Variants in STIM2 observed in about 807,000 individuals in gnomAD.
The protein encoded by STIM2 is stromal interaction molecule 2.
In STIM2, 31 loss-of-function variants were observed where a neutral mutation model predicts 85.8. The observed-to-expected ratio is 0.36, with a 90% CI of 0.27 to 0.49. The LOEUF (loss-of-function observed/expected upper bound fraction) is 0.49. STIM2 is among the 20% of genes least tolerant of loss of function. The pLI is 0.98. For synonymous variants in STIM2, 356 were observed against 331.1 expected (o/e 1.08, Z -0.82); for missense variants, 841 against 927.6 (o/e 0.91, Z 1.21).
chr4:26,954,061 G>T (rs1726153771), intron 2 of STIM2, among the ~76,000 whole-genome samples: 1 of 152,148 alleles, frequency 6.6e-6, no homozygotes, highest in African/African-American at 2.4e-5. Flanking sequence ...GTGAGTATTT[G>T]TCTGGGAAAA....
intron 3 of STIM2, among the ~76,000 whole-genome samples, chr4:26,991,478 G>T (rs1394272790): frequency 1.3e-5 from 2 of 151,986 alleles, no homozygotes; most frequent in Non-Finnish European, 2.9e-5. Context: ...AATGCAGTTA[G>T]GTAGAAGTAA....
chr4:26,974,472 G>A (rs949147064), intron 3 of STIM2, among the ~76,000 whole-genome samples: 1 of 152,154 alleles, frequency 6.6e-6, no homozygotes, highest in Non-Finnish European at 1.5e-5. Flanking sequence ...GTCTGTAAAG[G>A]ATTTTATTTC....
intron 2 of STIM2, among the ~76,000 whole-genome samples, chr4:26,943,426 T>G (rs1298918702): frequency 6.6e-6 from 1 of 152,210 alleles, no homozygotes; most frequent in Non-Finnish European, 1.5e-5. Context: ...TCTTTTTTGT[T>G]GTTGTTTAAA....
At chr4:26,897,258 A>G (rs1297435165) in intron 1 of STIM2, among the ~76,000 whole-genome samples, 1 of 152,196 alleles carries the variant, frequency 6.6e-6, no homozygotes, top group Non-Finnish European at 1.5e-5. Flanking sequence ...AAAGTATGAG[A>G]GAGAGAGTTT....
intron 1 of STIM2, among the ~76,000 whole-genome samples, chr4:26,876,280 CATGAAG>C (rs1214033431): frequency 6.6e-6 from 1 of 152,124 alleles, no homozygotes; most frequent in Non-Finnish European, 1.5e-5. Flanking sequence ...TATATTAAGA[CATGAAG>C]ATGTTAGACA....
In STIM2 at chr4:26,860,864, C is replaced by T. The variant is rs1359772598; in HGVS notation, c.-355C>T. On this transcript the variant is annotated 5_prime_UTR_variant, in exon 1 of 12. Transcript: ENST00000467087. ...CCAGAGCAGCGGATCCCGGTCTCGC[C>T]GCAGCAGCAGCGCGGGTGTCGTGCA... 5.9e-6 allele frequency: 5 copies of T among 852,642 alleles called. No homozygotes were observed. The highest frequency in any genetic ancestry group is 3.8e-5 in the South Asian group (1 of 26,486). 52.8% of individuals were successfully genotyped at this position (852,642 alleles called of 1,614,324 possible).
At chr4:26,932,365 T>C (rs1212354932) in intron 2 of STIM2, among the ~76,000 whole-genome samples, 6 of 151,036 alleles carry the variant, frequency 4.0e-5, no homozygotes, top group Non-Finnish European at 8.8e-5. Flanking sequence ...CAGTCGGTTT[T>C]TGTTTGAGTT....
chr4:26,951,503 G>C (rs976107090), intron 2 of STIM2, among the ~76,000 whole-genome samples: 1 of 152,054 alleles, frequency 6.6e-6, no homozygotes, highest in Non-Finnish European at 1.5e-5. Context: ...ACTGTTCTTT[G>C]TGTTCAGTGC....
chr4:26,878,903 A>T (rs569814445), intron 1 of STIM2, among the ~76,000 whole-genome samples: 1 of 152,308 alleles, frequency 6.6e-6, no homozygotes, highest in South Asian at 2.1e-4. Flanking sequence ...TCATGAGAAC[A>T]GCATGGGGGA....
chr4:26,862,033 A>G (rs1460101007), intron 1 of STIM2, among the ~76,000 whole-genome samples: 3 of 152,136 alleles, frequency 2.0e-5, no homozygotes, highest in Non-Finnish European at 4.4e-5. Flanking sequence ...AAACCTCAGC[A>G]GGTAACCAGA....
intron 4 of STIM2, among the ~76,000 whole-genome samples, chr4:26,997,463 C>T (rs1356914920): frequency 1.3e-5 from 2 of 152,268 alleles, no homozygotes; most frequent in East Asian, 3.9e-4. Flanking sequence ...TGACACATAC[C>T]ACCTCATTTC....
rs1314386219 is a variant in STIM2 at position 27,023,961 on chromosome 4, A to G, written c.*965A>G. ...GAAAAGATAATAAATTGAAGACATT[A>G]TTGTGTGGGATTGTGCTGATTTTTG... is the stretch of plus-strand genomic sequence containing the variant. On this transcript the variant is annotated 3_prime_UTR_variant, in exon 12 of 12. Transcript: ENST00000467087. 6.6e-6 allele frequency: 1 copy of G among 152,606 alleles called. No homozygotes were observed. Among genetic ancestry groups the G allele is most frequent in the Non-Finnish European group, 1.5e-5 (1 of 68,020 alleles). The allele number at this position is 152,606 out of a possible 1,614,324, so 9.5% of individuals were successfully genotyped here. A position where few individuals can be genotyped will look rare whatever the true frequency, so the allele number is the denominator to read the frequency against.
At chr4:26,968,909 A>G (rs1055019167) in intron 3 of STIM2, among the ~76,000 whole-genome samples, 1 of 152,180 alleles carries the variant, frequency 6.6e-6, no homozygotes, top group African/African-American at 2.4e-5. Context: ...AAAGTTGAAC[A>G]TTAAAAAATA....
In STIM2 at chr4:26,976,642, A is replaced by G. The variant is rs375779742; in HGVS notation, c.398-18737A>G. Among the ~76,000 whole-genome samples, 3 of 151,856 alleles carry G rather than the reference A, an allele frequency of 2.0e-5. No individual in the cohort carries two copies. The East Asian group carries it at 5.8e-4, about 30-fold the overall frequency. On this transcript the variant is annotated intron_variant, in intron 3 of 11. Transcript: ENST00000467087. Reference sequence around the variant, plus strand: ...GGCCAACATGATGAAACCCTGTCCTACTAAAAATACAAAAATTAGCTGGGT... The same window carrying G: ...GGCCAACATGATGAAACCCTGTCCTGCTAAAAATACAAAAATTAGCTGGGT...
Position 27,009,002 on chromosome 4 carries a change from G to T in STIM2, c.1489G>T (p.Gly497Trp). ...ACCCCCAATAGTGTCACAATTTCCC[G>T]GTAAGTGGCAATTTCAACAAAAATT... Residue 497 changes from glycine (G) to tryptophan (W), a missense_variant and splice_region_variant, in exon 10 of 12, where the codon GGG (glycine) becomes TGG (tryptophan). By Grantham distance (184) the Gly-to-Trp change is radical (BLOSUM62 -2). Transcript: ENST00000467087. The T allele has an allele frequency of 6.2e-7, 1 of 1,606,846 alleles. No individual in the cohort carries two copies. Among genetic ancestry groups the T allele is most frequent in the Non-Finnish European group, 8.5e-7 (1 of 1,175,958 alleles).
chr4:26,928,101 G>A (rs565434096), intron 2 of STIM2, among the ~76,000 whole-genome samples: 1 of 151,814 alleles, frequency 6.6e-6, no homozygotes, highest in African/African-American at 2.4e-5. Context: ...TTTTTATGGG[G>A]TGGAAGTAGA....
rs1729026609 is a variant in STIM2, at chr4:27,024,676, A to G, written c.*1680A>G. 6.6e-6 allele frequency: 1 copy of G among 152,194 alleles called. No homozygotes were observed. Among genetic ancestry groups the G allele is most frequent in the Admixed American group, 6.5e-5 (1 of 15,280 alleles). The allele number at this position is 152,194 out of a possible 1,614,324, so 9.4% of individuals were successfully genotyped here. A position where few individuals can be genotyped will look rare whatever the true frequency, so the allele number is the denominator to read the frequency against. ...GTTCTGTAAGGGCAAAAACGGATTG[A>G]AATGAACATAGCGTTTTGCACTAAT... On this transcript the variant is annotated 3_prime_UTR_variant, in exon 12 of 12. Coordinates refer to ENST00000467087, the MANE Select transcript of STIM2 (RefSeq NM_020860.4).
In STIM2 at chr4:27,006,468, G is replaced by A. The variant is rs180896885; in HGVS notation, c.982-1065G>A. Among the ~76,000 whole-genome samples the A allele has an allele frequency of 5.4e-4, 82 of 152,298 alleles. 1 individual carries two copies. The Middle Eastern group carries it at 0.024, about 44-fold the overall frequency. ...CTGCGGGGTGGTGCTCGACACGCAG[G>A]ATGCTCCGTAGTCGCTCGTAGCTTT... On this transcript the variant is annotated intron_variant, in intron 7 of 11. Transcript: ENST00000467087.
intron 3 of STIM2, among the ~76,000 whole-genome samples, chr4:26,993,763 C>T (rs374352599): frequency 1.2e-4 from 18 of 152,244 alleles, no homozygotes; most frequent in African/African-American, 3.9e-4. Flanking sequence ...CTGCGTCCAG[C>T]GCTTAACTGC....
Sources: gnomAD v4.1 joint callset for allele counts (sites outside exome capture counted in the v4.1 genomes callset) on GRCh38, gnomAD v4.1.1 for gene constraint, MANE v1.5 for transcripts, NCBI Gene and HGNC (gene_info 2026-07-23, HGNC 2026-07-21) for gene names.